SRFBP1: variants seen among roughly 807,000 people sequenced by gnomAD.
SRFBP1 encodes the protein serum response factor-binding protein 1.
A neutral mutation model predicts 45.5 loss-of-function variants in SRFBP1; 47 were observed. The ratio of observed to expected loss-of-function variants is 1.03; its 90% CI spans 0.82 to 1.32. The LOEUF (loss-of-function observed/expected upper bound fraction) is 1.32, where lower values mean the gene tolerates loss of function less well. Among genes scored for constraint, SRFBP1 ranks in the 40% most tolerant of loss-of-function variants. The pLI, the probability that SRFBP1 is intolerant of heterozygous loss-of-function variation, is 0.00. For missense variants in SRFBP1, 621 were observed against 484.6 expected (o/e 1.28, Z -2.64); for synonymous variants, 203 against 166.3 (o/e 1.22, Z -1.70).
In SRFBP1 at chr5:122,052,141, T is replaced by A. The variant is rs145647984; in HGVS notation, n.312-23174T>A. On this transcript the variant is annotated intron_variant and non_coding_transcript_variant, in intron 2 of 2. Transcript: ENST00000504881. Reference sequence around the variant, plus strand: ...GCTGTTAGCTTGATGGGATTCCCTTTATAGATGACCTGCCTCTTCTCTCTA... The same window carrying A: ...GCTGTTAGCTTGATGGGATTCCCTTAATAGATGACCTGCCTCTTCTCTCTA... 1.6e-3 allele frequency among the ~76,000 whole-genome samples: 250 copies of A among 152,328 alleles called. 2 individuals carry two copies. Among genetic ancestry groups the A allele is most frequent in the African/African-American group, 5.7e-3 (239 of 41,582 alleles).
intron 4 of SRFBP1, among the ~76,000 whole-genome samples, chr5:122,004,722 A>G (rs754600712): frequency 6.6e-6 from 1 of 151,554 alleles, no homozygotes; most frequent in African/African-American, 2.4e-5. Context: ...TTATTTTTCT[A>G]ATTCTTTGAG....
intron 4 of SRFBP1, among the ~76,000 whole-genome samples, chr5:121,995,489 A>G (rs1369883453): frequency 2.6e-5 from 4 of 152,196 alleles, no homozygotes; most frequent in African/African-American, 7.2e-5. Context: ...ACAACATACC[A>G]GAATCTCTGG....
intron 6 of SRFBP1, among the ~76,000 whole-genome samples, chr5:122,021,668 CTTTTTTTT>C (rs912072262): frequency 1.0e-5 from 1 of 96,954 alleles, no homozygotes; most frequent in Admixed American, 1.1e-4. Flanking sequence ...AAATATAAAT[CTTTTTTTT>C]TTTTTTTTTT....
intron 2 of SRFBP1, among the ~76,000 whole-genome samples, chr5:122,072,081 G>A (rs761847951): frequency 2.0e-5 from 3 of 152,158 alleles, no homozygotes; most frequent in Non-Finnish European, 4.4e-5. Context: ...TACTCAATAA[G>A]TGCTAGTTAT....
At chr5:122,069,854 A>G in intron 2 of SRFBP1, 1 of 580,044 alleles carries the variant, frequency 1.7e-6, no homozygotes, top group Middle Eastern at 4.8e-4. Context: ...TTCTCCTGAA[A>G]ACTAAAAACC....
intron 2 of SRFBP1, among the ~76,000 whole-genome samples, chr5:122,067,800 T>C (rs540067124): frequency 6.6e-6 from 1 of 152,204 alleles, no homozygotes; most frequent in South Asian, 2.1e-4. Flanking sequence ...TGACGTTGAC[T>C]TGCCCTGGGC....
chr5:122,071,509 A>G (rs1351121610), intron 2 of SRFBP1, among the ~76,000 whole-genome samples: 3 of 152,314 alleles, frequency 2.0e-5, no homozygotes, highest in Middle Eastern at 3.4e-3. Flanking sequence ...ATTCACATCA[A>G]TAAGTAAATG....
intron 3 of SRFBP1, among the ~76,000 whole-genome samples, chr5:121,985,345 T>G (rs1203119014): frequency 6.6e-6 from 1 of 151,656 alleles, no homozygotes; most frequent in African/African-American, 2.4e-5. Flanking sequence ...TTTTTTTTTC[T>G]TTTTTACATT....
At chr5:122,074,061 G>C (rs750680040) in intron 2 of SRFBP1, 1 of 1,614,100 alleles carries the variant, frequency 6.2e-7, no homozygotes, top group Middle Eastern at 1.7e-4. Flanking sequence ...CATAGTCACA[G>C]GATGTGTCTT....
In SRFBP1 at chr5:121,994,498, A is replaced by G; in HGVS notation, c.199-101A>G. On this transcript the variant is annotated intron_variant, in intron 3 of 7. Coordinates refer to ENST00000339397, the MANE Select transcript of SRFBP1 (RefSeq NM_152546.3). ...AGTTAATTCTTTTCTCAAAATTAAG[A>G]TGTTATTTAATATTAAGTTTCTTAA... 7 of 709,288 alleles carry G rather than the reference A, an allele frequency of 9.9e-6. No homozygotes were observed. The South Asian group carries it at 1.1e-4, about 11-fold the overall frequency. 43.9% of individuals were successfully genotyped at this position (709,288 alleles called of 1,614,324 possible). A position where few individuals can be genotyped will look rare whatever the true frequency, so the allele number is the denominator to read the frequency against.
At chr5:122,050,169 C>T (rs1753945471) in intron 2 of SRFBP1, among the ~76,000 whole-genome samples, 1 of 152,082 alleles carries the variant, frequency 6.6e-6, no homozygotes, top group African/African-American at 2.4e-5. Context: ...AGGATTTTTC[C>T]ATCTATGTTC....
rs535218487 is a variant in SRFBP1, at chr5:122,040,574, C to T, written n.311+18167C>T. ...TATGAATACTCAATGCTTAGCTTTG[C>T]TCTCTCTATCTGGACAGAAGTTCAC... On this transcript the variant is annotated intron_variant and non_coding_transcript_variant, in intron 2 of 2. Transcript: ENST00000504881. 4.8e-4 allele frequency among the ~76,000 whole-genome samples: 72 copies of T among 150,378 alleles called. 2 individuals carry two copies. The highest frequency in any genetic ancestry group is 1.2e-3 in the South Asian group (6 of 4,826).
chr5:121,973,447 C>T (rs1315589644), intron 1 of SRFBP1, among the ~76,000 whole-genome samples: 3 of 151,844 alleles, frequency 2.0e-5, no homozygotes, highest in East Asian at 3.9e-4. Flanking sequence ...GAAATATAAA[C>T]TCCGTAATTA....
chr5:122,009,513 G>A (rs371325709), intron 4 of SRFBP1, among the ~76,000 whole-genome samples: 2 of 152,076 alleles, frequency 1.3e-5, no homozygotes, highest in African/African-American at 4.8e-5. Flanking sequence ...AAACTGGGAG[G>A]TGGAAAATAA....
intron 4 of SRFBP1, among the ~76,000 whole-genome samples, chr5:121,995,563 G>A (rs1295771819): frequency 6.6e-6 from 1 of 152,004 alleles, no homozygotes; most frequent in Non-Finnish European, 1.5e-5. Context: ...GAGAAAGCAG[G>A]AAAGATCCAA....
chr5:121,975,041 T>C (rs529970531), intron 2 of SRFBP1, among the ~76,000 whole-genome samples: 5 of 151,926 alleles, frequency 3.3e-5, no homozygotes, highest in Non-Finnish European at 7.4e-5. Flanking sequence ...AAAAGTGTTA[T>C]TAAGGAACTA....
chr5:122,009,366 A>G (rs1009651857), intron 4 of SRFBP1, among the ~76,000 whole-genome samples: 6 of 151,890 alleles, frequency 4.0e-5, no homozygotes, highest in Non-Finnish European at 5.9e-5. Context: ...GATGGATACA[A>G]TTTCCTCATT....
intron 2 of SRFBP1, among the ~76,000 whole-genome samples, chr5:122,047,540 G>T (rs1002764330): frequency 3.3e-5 from 5 of 152,032 alleles, no homozygotes; most frequent in African/African-American, 1.2e-4. Flanking sequence ...GCTCTTTTTT[G>T]GTTCCATATG....
intron 2 of SRFBP1, among the ~76,000 whole-genome samples, chr5:122,034,372 C>T (rs866325615): frequency 6.6e-6 from 1 of 151,852 alleles, no homozygotes; most frequent in Non-Finnish European, 1.5e-5. Context: ...AAAACAAAAT[C>T]TTAAATTTGG....
Sources: gnomAD v4.1 joint callset for allele counts (sites outside exome capture counted in the v4.1 genomes callset) on GRCh38, gnomAD v4.1.1 for gene constraint, MANE v1.5 for transcripts, NCBI Gene and HGNC (gene_info 2026-07-23, HGNC 2026-07-21) for gene names.